The following SCHIP1 variants were observed in gnomAD, a reference collection of about 807,000 sequenced individuals.
SCHIP1 encodes the protein schwannomin interacting protein 1, also known as schwannomin-interacting protein 1.
A neutral mutation model predicts 29.7 loss-of-function variants in SCHIP1; 8 were observed. That is an observed-to-expected ratio of 0.27 (90% CI 0.16 to 0.49). The LOEUF (loss-of-function observed/expected upper bound fraction) is 0.49. Ranked by LOEUF, SCHIP1 falls within the 20% of genes least tolerant of loss-of-function variation. The pLI is 0.99. For missense variants in SCHIP1, 193 were observed against 294.6 expected (o/e 0.66, Z 2.52); for synonymous variants, 76 against 94.9 (o/e 0.80, Z 1.16).
At chr3:159,318,809 G>A in the SCHIP1 span, among the ~76,000 whole-genome samples, 9 of 152,146 alleles carry the variant, frequency 5.9e-5, no homozygotes, top group Non-Finnish European at 1.2e-4. Context: ...CCCACTTTAT[G>A]GCTAGATGGG....
At chr3:159,339,176 C>G in the SCHIP1 span, among the ~76,000 whole-genome samples, 1 of 151,726 alleles carries the variant, frequency 6.6e-6, no homozygotes, top group Non-Finnish European at 1.5e-5. Context: ...ATATTATGAG[C>G]CCCTTTCAGA....
the SCHIP1 span, among the ~76,000 whole-genome samples, chr3:159,537,648 C>T: frequency 6.6e-6 from 1 of 152,066 alleles, no homozygotes; most frequent in African/African-American, 2.4e-5. Context: ...TGCTGATGCC[C>T]TTTTTTAATC....
At chr3:159,546,390 A>C in the SCHIP1 span, among the ~76,000 whole-genome samples, 1 of 152,096 alleles carries the variant, frequency 6.6e-6, no homozygotes, top group Admixed American at 6.6e-5. Flanking sequence ...TTAGGCTAAG[A>C]AAATACCTTT....
chr3:159,633,947 T>C, the SCHIP1 span, among the ~76,000 whole-genome samples: 1 of 152,054 alleles, frequency 6.6e-6, no homozygotes, highest in Non-Finnish European at 1.5e-5. Context: ...AAAAAAGCAA[T>C]AATTAACTCA....
the SCHIP1 span, among the ~76,000 whole-genome samples, chr3:159,432,505 A>G: frequency 1.2e-4 from 18 of 152,108 alleles, no homozygotes; most frequent in Non-Finnish European, 2.1e-4. Flanking sequence ...ACTCAAGTGA[A>G]AGGGAACCAG....
rs1229949125 is a variant in SCHIP1 at position 159,866,186 on chromosome 3, T to A, written c.54T>A (p.Ser18=). Residue 18 remains serine (S), a synonymous_variant, in exon 2 of 7, where the codon TCT becomes TCA. Coordinates refer to ENST00000445224, the Ensembl canonical transcript of SCHIP1. The stretch of plus-strand genomic sequence containing the variant: ...AGGCACAGAAAAATGAGAGAGAGTC[T>A]ATCAGACAGAAGTTGGCACTTGGAA... 1.2e-5 allele frequency: 19 copies of A among 1,613,490 alleles called. No individual in the cohort carries two copies. The East Asian group carries it at 4.2e-4, about 36-fold the overall frequency.
chr3:159,680,638 AT>A, the SCHIP1 span, among the ~76,000 whole-genome samples: 389 of 50,062 alleles, frequency 7.8e-3, 3 homozygotes, highest in Non-Finnish European at 0.012. Flanking sequence ...TATTTTATAT[AT>A]TATATAATAT....
the SCHIP1 span, chr3:159,273,571 C>T: frequency 8.0e-7 from 1 of 1,256,532 alleles, no homozygotes; most frequent in East Asian, 3.4e-5. Flanking sequence ...CAGCAAACTT[C>T]ATCTCCCAAA....
At chr3:159,495,932 C>A in the SCHIP1 span, among the ~76,000 whole-genome samples, 1 of 152,184 alleles carries the variant, frequency 6.6e-6, no homozygotes, top group South Asian at 2.1e-4. Context: ...TACAACAGAG[C>A]CCTCAGAAAT....
At chr3:159,733,319 G>A in the SCHIP1 span, among the ~76,000 whole-genome samples, 10 of 152,136 alleles carry the variant, frequency 6.6e-5, no homozygotes, top group African/African-American at 2.2e-4. Flanking sequence ...GCAGAAATGT[G>A]TTTCTCTCTA....
At chr3:159,392,148 T>C in the SCHIP1 span, among the ~76,000 whole-genome samples, 1 of 152,302 alleles carries the variant, frequency 6.6e-6, no homozygotes, top group Non-Finnish European at 1.5e-5. Flanking sequence ...CTTAGTTGCC[T>C]GTCATCAGCT....
chr3:159,293,860 T>C, the SCHIP1 span, among the ~76,000 whole-genome samples: 1 of 152,138 alleles, frequency 6.6e-6, no homozygotes, highest in South Asian at 2.1e-4. Context: ...TTTCAGATAA[T>C]TTTTTTCTTT....
At chr3:159,613,448 G>A in the SCHIP1 span, among the ~76,000 whole-genome samples, 1 of 152,146 alleles carries the variant, frequency 6.6e-6, no homozygotes, top group African/African-American at 2.4e-5. Context: ...AATTTATTTT[G>A]TCAAAATTTG....
the SCHIP1 span, among the ~76,000 whole-genome samples, chr3:159,685,032 A>C: frequency 6.6e-6 from 1 of 152,054 alleles, no homozygotes; most frequent in Non-Finnish European, 1.5e-5. Context: ...TTCAGCCTAA[A>C]TTCTTAAATT....
the SCHIP1 span, among the ~76,000 whole-genome samples, chr3:159,371,005 T>C: frequency 6.6e-6 from 1 of 152,200 alleles, no homozygotes; most frequent in Non-Finnish European, 1.5e-5. Flanking sequence ...TTAGGTTCTG[T>C]TTCTGTGGAG....
chr3:159,893,587 A>G (rs1419124532), intron 6 of SCHIP1: 2 of 152,112 alleles, frequency 1.3e-5, no homozygotes, highest in Non-Finnish European at 2.9e-5. Flanking sequence ...GTCTCTCAGA[A>G]TAGTATTGTC....
the SCHIP1 span, among the ~76,000 whole-genome samples, chr3:159,662,889 G>T: frequency 1.3e-5 from 2 of 152,158 alleles, no homozygotes; most frequent in African/African-American, 4.8e-5. Context: ...TTTTAAAAAA[G>T]ATGGAATGAC....
chr3:159,347,707 C>T, the SCHIP1 span, among the ~76,000 whole-genome samples: 7 of 152,018 alleles, frequency 4.6e-5, no homozygotes, highest in African/African-American at 7.2e-5. Flanking sequence ...AATGAGCCAA[C>T]GTAATTATTT....
the SCHIP1 span, among the ~76,000 whole-genome samples, chr3:159,522,084 C>T: frequency 6.6e-6 from 1 of 152,142 alleles, no homozygotes. Context: ...TATATCTGTG[C>T]ATGGTGTCAG....
Sources: gnomAD v4.1 joint callset for allele counts (sites outside exome capture counted in the v4.1 genomes callset) on GRCh38, gnomAD v4.1.1 for gene constraint, MANE v1.5 for transcripts, NCBI Gene and HGNC (gene_info 2026-07-23, HGNC 2026-07-21) for gene names.